The following ACVR1B variants were observed in gnomAD, a reference collection of about 807,000 sequenced individuals.
ACVR1B encodes the protein activin A receptor type 1B.
In ACVR1B, 15 loss-of-function variants were observed where a neutral mutation model predicts 55.6. The ratio of observed to expected loss-of-function variants is 0.27; its 90% confidence interval spans 0.18 to 0.42. The LOEUF (loss-of-function observed/expected upper bound fraction) is 0.42. ACVR1B is among the 10% of genes least tolerant of loss of function. The pLI is 1.00. For missense variants in ACVR1B, 359 were observed against 670.1 expected, an observed-to-expected ratio of 0.54 and a Z score of 5.13; for synonymous variants, 247 against 254.6, an observed-to-expected ratio of 0.97 and a Z score of 0.28.
chr12:51,993,307 G>T (rs1942229567), intron 8 of ACVR1B, among the ~76,000 whole-genome samples: 1 of 152,226 alleles, frequency 6.6e-6, no homozygotes, highest in African/African-American at 2.4e-5. Context: ...TTTCAGAACA[G>T]AATTGCATAT....
At chr12:51,962,455 A>C (rs1039492800) in intron 1 of ACVR1B, among the ~76,000 whole-genome samples, 1 of 151,928 alleles carries the variant, frequency 6.6e-6, no homozygotes, top group South Asian at 2.1e-4. Context: ...TTTTTGTTTT[A>C]ATGTATTTTT....
intron 1 of ACVR1B, chr12:51,960,104 G>GTC (rs1941488575): frequency 6.6e-6 from 1 of 152,242 alleles, no homozygotes; most frequent in Non-Finnish European, 1.5e-5. Flanking sequence ...TGAGGAAAGA[G>GTC]TCTGTCCTTG....
intron 1 of ACVR1B, among the ~76,000 whole-genome samples, chr12:51,963,965 A>T (rs2120493739): frequency 6.6e-6 from 1 of 152,090 alleles, no homozygotes; most frequent in East Asian, 1.9e-4. Flanking sequence ...TTTCTTTTTC[A>T]TATTGTTATG....
intron 2 of ACVR1B, 45 bp from the exon 3 acceptor site, chr12:51,976,279 CTTG>C (rs1258070780): frequency 1.4e-5 from 23 of 1,609,248 alleles, no homozygotes; most frequent in Non-Finnish European, 1.9e-5. Flanking sequence ...TACTCTTTCC[CTTG>C]TTTTTACTTC....
rs878883174 is a variant in ACVR1B at position 51,985,340 on chromosome 12, G to A, written c.1128G>A (p.Gly376=). 2 of 1,611,506 alleles carry A rather than the reference G, an allele frequency of 1.2e-6. No homozygotes were observed. The highest frequency in any genetic ancestry group is 1.7e-5 in the Admixed American group (1 of 59,570). The change falls in exon 6 of 9, where the codon GGG becomes GGA. Residue 376 remains glycine, a synonymous_variant. Coordinates refer to ENST00000257963, the MANE Select transcript of ACVR1B (RefSeq NM_004302.5). ...TIDIAPNQRV[G]TKRYMAPEVL... is the part of the protein sequence containing the mutation. ...ACATTGCCCCGAATCAGAGGGTGGG[G>A]ACCAAACGGTAGGAGGGCCTGGGAC...
At chr12:51,988,073 C>G (rs963919820) in intron 7 of ACVR1B, among the ~76,000 whole-genome samples, 3 of 152,220 alleles carry the variant, frequency 2.0e-5, no homozygotes, top group Non-Finnish European at 4.4e-5. Context: ...CCTTTTCCAG[C>G]TTCCATTTAT....
chr12:51,968,222 A>G (rs1941677343), intron 1 of ACVR1B, among the ~76,000 whole-genome samples: 1 of 152,242 alleles, frequency 6.6e-6, no homozygotes, highest in South Asian at 2.1e-4. Flanking sequence ...AACAAGAGCA[A>G]AACTGCATCT....
chr12:51,963,006 T>A (rs1038790958), intron 1 of ACVR1B, among the ~76,000 whole-genome samples: 1 of 152,150 alleles, frequency 6.6e-6, no homozygotes, highest in Non-Finnish European at 1.5e-5. Flanking sequence ...AGTCTAGAGA[T>A]TCAGGAAGAA....
intron 4 of ACVR1B, chr12:51,982,563 A>C: frequency 8.9e-7 from 1 of 1,127,400 alleles, no homozygotes. Context: ...GCTGGTTCAC[A>C]TTGTGGAAGG....
intron 5 of ACVR1B, among the ~76,000 whole-genome samples, chr12:51,984,504 A>G (rs1942042264): frequency 6.6e-6 from 1 of 152,188 alleles, no homozygotes; most frequent in African/African-American, 2.4e-5. Context: ...AAAAAGATAA[A>G]CCAGTGTACT....
At chr12:51,975,791 G>A (rs1376286976) in intron 2 of ACVR1B, among the ~76,000 whole-genome samples, 1 of 152,196 alleles carries the variant, frequency 6.6e-6, no homozygotes, top group Non-Finnish European at 1.5e-5. Flanking sequence ...GGATTCCCAC[G>A]GGAGGATGTG....
intron 1 of ACVR1B, among the ~76,000 whole-genome samples, chr12:51,971,478 A>C (rs991903073): frequency 2.0e-5 from 3 of 152,136 alleles, no homozygotes; most frequent in African/African-American, 7.2e-5. Flanking sequence ...TCCGCCTTGG[A>C]ATAAGGAGAG....
chr12:51,986,703 G>A lies in ACVR1B; in HGVS notation c.1137-115G>A, dbSNP rs1254609268. 3 of 1,402,998 alleles carry A rather than the reference G, an allele frequency of 2.1e-6. No homozygotes were observed. The African/African-American group carries it at 4.3e-5, about 20-fold the overall frequency. The allele number at this position is 1,402,998 out of a possible 1,614,324, so 86.9% of individuals were successfully genotyped here. On this transcript the variant is annotated intron_variant, in intron 6 of 8. Transcript: ENST00000257963. The stretch of plus-strand genomic sequence containing the variant: ...ATGTGTACACTTCTTCTGCCCCAAG[G>A]GACTTTATCAGGGTGATACTCTTCC...
At chr12:51,976,632 G>A (rs928082680) in intron 3 of ACVR1B, 57 bp downstream of exon 3, 3 of 1,598,618 alleles carry the variant, frequency 1.9e-6, no homozygotes, top group African/African-American at 2.7e-5. Flanking sequence ...TTTCCCAGCA[G>A]GATAGAGTGC....
chr12:51,966,020 A>AT (rs1941632767), intron 1 of ACVR1B, among the ~76,000 whole-genome samples: 1 of 152,090 alleles, frequency 6.6e-6, no homozygotes. Context: ...GATAGAGGGA[A>AT]TACCTACACA....
rs147119006 is a variant in ACVR1B at position 51,991,363 on chromosome 12, G to GA, written c.1262-492dup. On this transcript the variant is annotated intron_variant, in intron 7 of 8. Coordinates refer to ENST00000257963, the MANE Select transcript of ACVR1B (RefSeq NM_004302.5). Reference sequence around the variant, plus strand: ...TTGATAGATTCCTTGCTTTGGCTATGAAAAAAAATGTTCCTGGCTACTCTT... The same window carrying GA: ...TTGATAGATTCCTTGCTTTGGCTATGAAAAAAAAATGTTCCTGGCTACTCTT... 3.1e-3 allele frequency among the ~76,000 whole-genome samples: 471 copies of GA among 151,932 alleles called. 1 individual carries two copies. The highest frequency in any genetic ancestry group is 0.013 in the East Asian group (69 of 5,170).
chr12:51,989,676 A>G (rs759186963), intron 7 of ACVR1B, among the ~76,000 whole-genome samples: 92 of 152,196 alleles, frequency 6.0e-4, no homozygotes, highest in Non-Finnish European at 7.5e-4. Context: ...ATGCAGTGCT[A>G]TTACCACACT....
chr12:51,978,897 C>T (rs1445231374), intron 3 of ACVR1B, among the ~76,000 whole-genome samples: 1 of 150,060 alleles, frequency 6.7e-6, no homozygotes, highest in African/African-American at 2.5e-5. Context: ...TGGGAAGAGT[C>T]TCACAGAGGA....
intron 1 of ACVR1B, among the ~76,000 whole-genome samples, chr12:51,954,529 T>C (rs777383673): frequency 8.5e-5 from 13 of 152,224 alleles, no homozygotes; most frequent in Non-Finnish European, 1.5e-4. Context: ...TTAAGTACAG[T>C]GGAAGTGCAG....
Sources: allele counts gnomAD v4.1 joint callset (sites outside exome capture counted in the v4.1 genomes callset), GRCh38; gene constraint gnomAD v4.1.1; transcripts MANE v1.5; gene names NCBI Gene and HGNC (gene_info 2026-07-23, HGNC 2026-07-21).